The following TACR1 variants were observed in gnomAD, a reference collection of about 807,000 sequenced individuals.
TACR1 encodes the protein substance-P receptor.
A neutral mutation model predicts 35.8 loss-of-function variants in TACR1; 25 were observed. The ratio of observed to expected loss-of-function variants is 0.70; its 90% CI spans 0.51 to 0.98. TACR1 has a LOEUF of 0.98. Among genes scored for constraint, TACR1 ranks in the 50% least tolerant of loss-of-function variants. The pLI is 0.00. For missense variants in TACR1, 478 were observed against 522.9 expected (o/e 0.91, Z 0.84); for synonymous variants, 195 against 206.7 (o/e 0.94, Z 0.48).
Position 75,047,555 on chromosome 2 carries a change from A to G in TACR1, c.*1877T>C, listed in dbSNP as rs571044369. The G allele has an allele frequency of 6.6e-6, 1 of 152,352 alleles. No individual in the cohort carries two copies. Among genetic ancestry groups the G allele is most frequent in the South Asian group, 2.1e-4 (1 of 4,826 alleles). 9.4% of individuals were successfully genotyped at this position (152,352 alleles called of 1,614,324 possible). A position where few individuals can be genotyped will look rare whatever the true frequency, so the allele number is the denominator to read the frequency against. Reference sequence around the variant, plus strand: ...CTCAGGTACTTCTCATAATCATGTTAGCTCTTTACATTCTTCCAAAGTGAG... The same window carrying G: ...CTCAGGTACTTCTCATAATCATGTTGGCTCTTTACATTCTTCCAAAGTGAG... On this transcript the variant is annotated 3_prime_UTR_variant, in exon 5 of 5. Transcript: ENST00000305249.
chr2:75,122,088 T>C (rs1673981466), intron 1 of TACR1, among the ~76,000 whole-genome samples: 1 of 152,204 alleles, frequency 6.6e-6, no homozygotes, highest in African/African-American at 2.4e-5. Flanking sequence ...TATAAGCTTG[T>C]AATTTCTCCA....
At chr2:75,191,994 TA>T (rs149317225) in intron 1 of TACR1, among the ~76,000 whole-genome samples, 2,113 of 152,158 alleles carry the variant, frequency 0.014, 56 homozygotes, top group African/African-American at 0.049. Context: ...CACCACGGGA[TA>T]AATGCTGTGG....
chr2:75,063,820 C>G (rs999512007), intron 2 of TACR1, among the ~76,000 whole-genome samples: 1 of 152,148 alleles, frequency 6.6e-6, no homozygotes, highest in Admixed American at 6.5e-5. Flanking sequence ...ACAAATGAAC[C>G]CTTAATAGTG....
intron 2 of TACR1, among the ~76,000 whole-genome samples, chr2:75,084,050 A>G (rs2103838672): frequency 2.0e-5 from 3 of 152,236 alleles, no homozygotes; most frequent in South Asian, 4.1e-4. Flanking sequence ...TCAGTATGCT[A>G]TTGGCTGTGG....
intron 1 of TACR1, among the ~76,000 whole-genome samples, chr2:75,153,363 G>A (rs1311449626): frequency 6.6e-6 from 1 of 151,440 alleles, no homozygotes; most frequent in Non-Finnish European, 1.5e-5. Flanking sequence ...GGGATGTTAT[G>A]AAAGACTGCT....
intron 2 of TACR1, among the ~76,000 whole-genome samples, chr2:75,115,491 A>G (rs1286691173): frequency 6.6e-6 from 1 of 152,200 alleles, no homozygotes; most frequent in Admixed American, 6.5e-5. Context: ...CTTGCATGAT[A>G]TATATAAATG....
At chr2:75,155,586 C>T (rs1674828250) in intron 1 of TACR1, among the ~76,000 whole-genome samples, 1 of 152,236 alleles carries the variant, frequency 6.6e-6, no homozygotes, top group Non-Finnish European at 1.5e-5. Context: ...CTAAGGGTCA[C>T]ATAGCTCAGA....
At chr2:75,164,532 T>A (rs970069080) in intron 1 of TACR1, among the ~76,000 whole-genome samples, 1 of 152,066 alleles carries the variant, frequency 6.6e-6, no homozygotes, top group Non-Finnish European at 1.5e-5. Context: ...AACTGAAGCA[T>A]AAACTGATAA....
intron 1 of TACR1, among the ~76,000 whole-genome samples, chr2:75,164,415 A>C (rs1210214267): frequency 1.3e-5 from 2 of 152,176 alleles, no homozygotes; most frequent in African/African-American, 2.4e-5. Context: ...TAAATGAATT[A>C]TCTTGTAAGA....
intron 2 of TACR1, among the ~76,000 whole-genome samples, chr2:75,067,713 G>T (rs1279950722): frequency 6.6e-6 from 1 of 152,134 alleles, no homozygotes; most frequent in East Asian, 1.9e-4. Flanking sequence ...GCAGTGGTGG[G>T]TGCCCCATGC....
chr2:75,159,963 C>T (rs1674962800), intron 1 of TACR1, among the ~76,000 whole-genome samples: 1 of 152,152 alleles, frequency 6.6e-6, no homozygotes, highest in Non-Finnish European at 1.5e-5. Flanking sequence ...GGAATCAATA[C>T]CACTCATGAA....
At chr2:75,112,054 C>T (rs528743766) in intron 2 of TACR1, among the ~76,000 whole-genome samples, 1 of 152,124 alleles carries the variant, frequency 6.6e-6, no homozygotes, top group African/African-American at 2.4e-5. Flanking sequence ...CAAACTCATT[C>T]AAGTACAGAA....
chr2:75,147,075 A>G (rs1026758747), intron 1 of TACR1, among the ~76,000 whole-genome samples: 2 of 152,260 alleles, frequency 1.3e-5, no homozygotes, highest in African/African-American at 4.8e-5. Context: ...TGTTTCAGCC[A>G]TCAGACGGTG....
intron 2 of TACR1, among the ~76,000 whole-genome samples, chr2:75,090,470 A>G (rs1412011778): frequency 6.6e-6 from 1 of 152,166 alleles, no homozygotes; most frequent in Non-Finnish European, 1.5e-5. Flanking sequence ...CTGCATGACA[A>G]AACTTTGGTC....
chr2:75,084,215 A>G (rs1421631712), intron 2 of TACR1, among the ~76,000 whole-genome samples: 1 of 152,186 alleles, frequency 6.6e-6, no homozygotes, highest in Non-Finnish European at 1.5e-5. Context: ...TTCTGTTTAT[A>G]TGCTGGATTA....
chr2:75,190,012 T>G (rs1675803982), intron 1 of TACR1: 1 of 152,232 alleles, frequency 6.6e-6, no homozygotes, highest in Non-Finnish European at 1.5e-5. Flanking sequence ...TTTAAAGATT[T>G]ATTGAGCTTT....
chr2:75,181,526 G>T (rs1401825112), intron 1 of TACR1, among the ~76,000 whole-genome samples: 3 of 152,024 alleles, frequency 2.0e-5, no homozygotes. Flanking sequence ...TATCCCTATG[G>T]TCATGTCACT....
At chr2:75,153,449 C>T (rs1225805973) in intron 1 of TACR1, among the ~76,000 whole-genome samples, 7 of 152,196 alleles carry the variant, frequency 4.6e-5, no homozygotes, top group Non-Finnish European at 5.9e-5. Flanking sequence ...AATTATTGAC[C>T]TCTCTTGTGA....
At chr2:75,197,486 A>G (rs1676022479) in intron 1 of TACR1, among the ~76,000 whole-genome samples, 1 of 152,192 alleles carries the variant, frequency 6.6e-6, no homozygotes, top group Non-Finnish European at 1.5e-5. Flanking sequence ...TGTTTTAAGC[A>G]TACTTTCACA....
Sources: gnomAD v4.1 joint callset for allele counts (sites outside exome capture counted in the v4.1 genomes callset) on GRCh38, gnomAD v4.1.1 for gene constraint, MANE v1.5 for transcripts, NCBI Gene and HGNC (gene_info 2026-07-23, HGNC 2026-07-21) for gene names.